EIPR1: variants seen among roughly 807,000 people sequenced by gnomAD.
EIPR1 encodes the protein EARP and GARP complex-interacting protein 1.
A neutral mutation model predicts 48.1 loss-of-function variants in EIPR1; 25 were observed. The observed-to-expected ratio is 0.52, with a 90% CI of 0.38 to 0.73. The LOEUF is 0.73. Among genes scored for constraint, EIPR1 ranks in the 30% least tolerant of loss-of-function variants. The pLI is 0.00. For missense variants in EIPR1, 415 were observed against 506.2 expected (o/e 0.82, Z 1.73); for synonymous variants, 204 against 201.9 (o/e 1.01, Z -0.09).
chr2:3,267,761 G>A (rs1667535203), intron 3 of EIPR1, among the ~76,000 whole-genome samples: 1 of 150,814 alleles, frequency 6.6e-6, no homozygotes, highest in Non-Finnish European at 1.5e-5. Flanking sequence ...AGCTAAGAGT[G>A]GTTCTGCATT....
At chr2:3,295,104 C>G (rs1423874817) in intron 3 of EIPR1, among the ~76,000 whole-genome samples, 1 of 149,346 alleles carries the variant, frequency 6.7e-6, no homozygotes, top group Non-Finnish European at 1.5e-5. Flanking sequence ...CACACATACA[C>G]CCTCCATCCA....
chr2:3,323,548 C>T (rs957095286), intron 3 of EIPR1, among the ~76,000 whole-genome samples: 2 of 152,216 alleles, frequency 1.3e-5, no homozygotes, highest in African/African-American at 4.8e-5. Context: ...CCACGATGGA[C>T]ATGGGCCCTC....
intron 2 of EIPR1, among the ~76,000 whole-genome samples, chr2:3,349,082 CTG>C (rs1380105319): frequency 1.3e-5 from 2 of 152,230 alleles, no homozygotes; most frequent in African/African-American, 4.8e-5. Context: ...CCACGTGTGT[CTG>C]TACAAAAGTG....
intron 2 of EIPR1, among the ~76,000 whole-genome samples, chr2:3,339,683 T>C (rs1455293920): frequency 6.6e-6 from 1 of 151,884 alleles, no homozygotes. Flanking sequence ...GCGCGGTGGC[T>C]CACGCCTGTA....
chr2:3,269,711 C>T (rs1489873411), intron 3 of EIPR1, among the ~76,000 whole-genome samples: 7 of 152,012 alleles, frequency 4.6e-5, no homozygotes, highest in South Asian at 2.1e-4. Context: ...ACTCAATCAT[C>T]GCACTCAATC....
At chr2:3,324,001 C>CA (rs1669615028) in intron 3 of EIPR1, among the ~76,000 whole-genome samples, 1 of 152,204 alleles carries the variant, frequency 6.6e-6, no homozygotes, top group Non-Finnish European at 1.5e-5. Flanking sequence ...ACTGAATTCA[C>CA]AGCGCCAGTG....
At chr2:3,200,312 T>C (rs1664985457) in intron 5 of EIPR1, among the ~76,000 whole-genome samples, 1 of 152,144 alleles carries the variant, frequency 6.6e-6, no homozygotes, top group Non-Finnish European at 1.5e-5. Context: ...CCCACCACTT[T>C]CATCCCCACA....
intron 2 of EIPR1, among the ~76,000 whole-genome samples, chr2:3,349,318 C>A (rs369451916): frequency 2.2e-4 from 34 of 152,374 alleles, no homozygotes; most frequent in African/African-American, 7.5e-4. Context: ...TGCTCCAGTA[C>A]CAGCTGCCTC....
chr2:3,321,258 C>T (rs1407273811), intron 3 of EIPR1, among the ~76,000 whole-genome samples: 1 of 152,168 alleles, frequency 6.6e-6, no homozygotes, highest in African/African-American at 2.4e-5. Context: ...CAGCTGAGCA[C>T]CTATACCCTG....
chr2:3,309,866 G>T (rs914641771), intron 3 of EIPR1, among the ~76,000 whole-genome samples: 1 of 152,186 alleles, frequency 6.6e-6, no homozygotes, highest in African/African-American at 2.4e-5. Flanking sequence ...GCAGAGCTGG[G>T]GGTTAGGAAA....
chr2:3,246,219 T>C (rs534133562), intron 4 of EIPR1, among the ~76,000 whole-genome samples: 40 of 152,332 alleles, frequency 2.6e-4, no homozygotes, highest in Middle Eastern at 6.8e-3. Context: ...TTACTACTTA[T>C]CCTCAAACAC....
chr2:3,253,259 T>G (rs981302910), intron 4 of EIPR1, among the ~76,000 whole-genome samples: 2 of 152,084 alleles, frequency 1.3e-5, no homozygotes, highest in Non-Finnish European at 2.9e-5. Flanking sequence ...CTGCTTCGAG[T>G]TGTCCCCCCT....
intron 4 of EIPR1, among the ~76,000 whole-genome samples, chr2:3,231,199 T>C (rs758931422): frequency 1.8e-4 from 27 of 152,264 alleles, no homozygotes; most frequent in Non-Finnish European, 1.5e-5. Context: ...GCAGATTTTG[T>C]ATCCTGCAAC....
intron 5 of EIPR1, 76 bp from the exon 6 acceptor site, chr2:3,197,093 G>A (rs1185946096): frequency 1.3e-6 from 2 of 1,503,104 alleles, no homozygotes; most frequent in African/African-American, 2.8e-5. Context: ...AACGCGAGAG[G>A]ATATCGTATA....
intron 3 of EIPR1, among the ~76,000 whole-genome samples, chr2:3,264,302 T>C (rs1364349211): frequency 6.6e-6 from 1 of 152,264 alleles, no homozygotes; most frequent in African/African-American, 2.4e-5. Flanking sequence ...CTGCTGCGGA[T>C]GGCAGGATTT....
intron 2 of EIPR1, among the ~76,000 whole-genome samples, chr2:3,347,058 T>C (rs549862635): frequency 9.6e-4 from 146 of 152,222 alleles, no homozygotes; most frequent in Non-Finnish European, 1.7e-3. Context: ...CCCTCACTCT[T>C]TGCTCCCGCC....
intron 3 of EIPR1, among the ~76,000 whole-genome samples, chr2:3,335,553 C>T (rs982861963): frequency 3.9e-5 from 6 of 152,100 alleles, no homozygotes; most frequent in African/African-American, 7.2e-5. Flanking sequence ...ACAAGCACAG[C>T]GTCTCCAGCC....
chr2:3,270,250 G>A (rs1008484794), intron 3 of EIPR1, among the ~76,000 whole-genome samples: 4 of 152,212 alleles, frequency 2.6e-5, no homozygotes, highest in African/African-American at 4.8e-5. Flanking sequence ...ACGGGTGCTC[G>A]CTGCAGGGTC....
intron 4 of EIPR1, among the ~76,000 whole-genome samples, chr2:3,215,440 C>T (rs1665598964): frequency 6.6e-6 from 1 of 152,160 alleles, no homozygotes; most frequent in Non-Finnish European, 1.5e-5. Context: ...CAATTGGAGC[C>T]ACCGTTTCCC....
Sources: allele counts gnomAD v4.1 joint callset (sites outside exome capture counted in the v4.1 genomes callset), GRCh38; gene constraint gnomAD v4.1.1; transcripts MANE v1.5; gene names NCBI Gene and HGNC (gene_info 2026-07-23, HGNC 2026-07-21).